The following EPS15 variants were observed in gnomAD, a reference collection of about 807,000 sequenced individuals.
EPS15 encodes epidermal growth factor receptor pathway substrate 15, also known as epidermal growth factor receptor substrate 15.
Under a neutral mutation model 113.8 loss-of-function variants are expected in EPS15, and 72 were observed. The ratio of observed to expected loss-of-function variants is 0.63; its 90% CI spans 0.52 to 0.77. EPS15 has a LOEUF of 0.77. Ranked by LOEUF, EPS15 falls within the 30% of genes least tolerant of loss-of-function variation. The pLI is 0.00. For synonymous variants in EPS15, 344 were observed against 363.4 expected (o/e 0.95, Z 0.61); for missense variants, 1,048 against 1,045.8 (o/e 1.00, Z -0.03).
chr1:51,516,880 G>T (rs1644728681), intron 1 of EPS15, among the ~76,000 whole-genome samples: 1 of 152,150 alleles, frequency 6.6e-6, no homozygotes, highest in Non-Finnish European at 1.5e-5. Flanking sequence ...AGGTACCATG[G>T]GAGAAAGATG....
Position 51,429,394 on chromosome 1 carries a change from CAATT to C in EPS15, c.1041-7540_1041-7537del, listed in dbSNP as rs1266291424. Among the ~76,000 whole-genome samples, 3 of 149,346 alleles carry C rather than the reference CAATT, an allele frequency of 2.0e-5. No homozygotes were observed. The East Asian group carries it at 5.8e-4, about 29-fold the overall frequency. On this transcript the variant is annotated intron_variant, in intron 12 of 24. Transcript: ENST00000371733. ...TAAAATTTTAACCACTTTAAGTGTA[CAATT>C]AATGACACTGAATTGTACACTTTAA...
At chr1:51,435,213 A>G (rs568721172) in intron 12 of EPS15, among the ~76,000 whole-genome samples, 18 of 151,874 alleles carry the variant, frequency 1.2e-4, no homozygotes, top group African/African-American at 3.1e-4. Context: ...TTTGAGACTG[A>G]GTCTCACTCT....
chr1:51,442,536 G>C (rs910626518), intron 11 of EPS15, among the ~76,000 whole-genome samples: 1 of 151,964 alleles, frequency 6.6e-6, no homozygotes, highest in African/African-American at 2.4e-5. Context: ...GCATTTGAAG[G>C]GTATATGAGA....
At chr1:51,410,506 A>C (rs1179854041) in intron 13 of EPS15, among the ~76,000 whole-genome samples, 1 of 152,204 alleles carries the variant, frequency 6.6e-6, no homozygotes, top group Admixed American at 6.5e-5. Context: ...AGATTTCTTA[A>C]AACAAAAAAA....
Position 51,508,294 on chromosome 1 carries a change from G to GAGAA in EPS15, c.33+10904_33+10905insTTCT, listed in dbSNP as rs1644546327. Among the ~76,000 whole-genome samples the GAGAA allele has an allele frequency of 1.3e-4, 18 of 137,856 alleles. No homozygotes were observed. The South Asian group carries it at 2.2e-3, about 17-fold the overall frequency. The allele number at this position is 137,856 out of a possible 152,430, so 90.4% of individuals were successfully genotyped here. A position where few individuals can be genotyped will look rare whatever the true frequency, so the allele number is the denominator to read the frequency against. On this transcript the variant is annotated intron_variant, in intron 1 of 24. Coordinates refer to ENST00000371733, the MANE Select transcript of EPS15 (RefSeq NM_001981.3). Reference sequence around the variant, plus strand: ...AGAGAAAGAGAGAAAGAGAGAAAGAGAGAGAGAGAAAGAGAGAAAGAGAGA... The same window carrying GAGAA: ...AGAGAAAGAGAGAAAGAGAGAAAGAGAGAAAGAGAGAGAAAGAGAGAAAGAGAGA...
At chr1:51,502,389 A>T (rs1284811610) in intron 1 of EPS15, among the ~76,000 whole-genome samples, 1 of 152,242 alleles carries the variant, frequency 6.6e-6, no homozygotes, top group African/African-American at 2.4e-5. Flanking sequence ...TAGCTGAACT[A>T]GGCACTTTTG....
chr1:51,505,900 G>A (rs918582195), intron 1 of EPS15, among the ~76,000 whole-genome samples: 2 of 144,010 alleles, frequency 1.4e-5, no homozygotes, highest in African/African-American at 5.1e-5. Context: ...TTGTTGGTTT[G>A]TTTTGAGATG....
chr1:51,377,235 G>GC (rs1646822364), intron 21 of EPS15, among the ~76,000 whole-genome samples: 1 of 152,202 alleles, frequency 6.6e-6, no homozygotes, highest in Non-Finnish European at 1.5e-5. Flanking sequence ...TTGCACTCCA[G>GC]CCTGGGCAAC....
intron 12 of EPS15, among the ~76,000 whole-genome samples, chr1:51,431,382 A>C (rs1651722075): frequency 6.6e-6 from 1 of 152,140 alleles, no homozygotes; most frequent in Admixed American, 6.6e-5. Context: ...TATATGACAA[A>C]GCACACCCCC....
At chr1:51,479,221 A>G (rs1209580880) in intron 2 of EPS15, among the ~76,000 whole-genome samples, 1 of 151,982 alleles carries the variant, frequency 6.6e-6, no homozygotes, top group African/African-American at 2.4e-5. Flanking sequence ...AACCACTGAT[A>G]CCTTTTCTTC....
intron 16 of EPS15, among the ~76,000 whole-genome samples, chr1:51,404,943 A>G (rs1208428232): frequency 6.6e-6 from 1 of 152,192 alleles, no homozygotes; most frequent in Non-Finnish European, 1.5e-5. Context: ...CCACCATCAC[A>G]AGATATCCTT....
chr1:51,369,637 A>AT (rs1475309985), intron 21 of EPS15, among the ~76,000 whole-genome samples: 1 of 152,090 alleles, frequency 6.6e-6, no homozygotes, highest in Non-Finnish European at 1.5e-5. Flanking sequence ...TATTCCTGGT[A>AT]TTTTTTTCTT....
At chr1:51,364,901 C>T (rs1646474188) in intron 22 of EPS15, among the ~76,000 whole-genome samples, 1 of 152,082 alleles carries the variant, frequency 6.6e-6, no homozygotes, top group African/African-American at 2.4e-5. Flanking sequence ...GCAATCTAGG[C>T]TCACTGCAAC....
At chr1:51,493,574 AAAT>A (rs1171189699) in intron 1 of EPS15, among the ~76,000 whole-genome samples, 70 of 147,608 alleles carry the variant, frequency 4.7e-4, no homozygotes, top group East Asian at 9.8e-4. Flanking sequence ...ATAAATAAAT[AAAT>A]AAAAATAAAG....
chr1:51,474,373 C>T (rs1570382479), intron 2 of EPS15, among the ~76,000 whole-genome samples: 1 of 152,268 alleles, frequency 6.6e-6, no homozygotes, highest in East Asian at 1.9e-4. Context: ...TGGATAAAGA[C>T]TACTCAGCTG....
At chr1:51,420,317 A>G (rs149706258) in intron 13 of EPS15, among the ~76,000 whole-genome samples, 127 of 152,248 alleles carry the variant, frequency 8.3e-4, no homozygotes, top group Middle Eastern at 3.4e-3. Flanking sequence ...GCACTCTTCT[A>G]AACTGGGTAT....
intron 1 of EPS15, among the ~76,000 whole-genome samples, chr1:51,493,744 G>A (rs1390833578): frequency 2.0e-5 from 3 of 150,806 alleles, no homozygotes; most frequent in African/African-American, 2.4e-5. Context: ...TCAGCCTCCC[G>A]AGTAGCTGGG....
intron 16 of EPS15, 60 bp from the exon 17 acceptor site, chr1:51,403,592 G>T: frequency 1.1e-6 from 1 of 910,580 alleles, no homozygotes; most frequent in South Asian, 2.0e-5. Context: ...AGAGAAAACT[G>T]ACTAAAGATA....
At chr1:51,501,422 A>C (rs1387089899) in intron 1 of EPS15, among the ~76,000 whole-genome samples, 1 of 152,010 alleles carries the variant, frequency 6.6e-6, no homozygotes, top group Non-Finnish European at 1.5e-5. Context: ...AAAAAACAAA[A>C]AACACTGTAT....
Sources: allele counts gnomAD v4.1 joint callset (sites outside exome capture counted in the v4.1 genomes callset), GRCh38; gene constraint gnomAD v4.1.1; transcripts MANE v1.5; gene names NCBI Gene and HGNC (gene_info 2026-07-23, HGNC 2026-07-21).